The following CD226 variants were observed in gnomAD, a reference collection of about 807,000 sequenced individuals.
CD226 encodes CD226 antigen.
In CD226, 24 loss-of-function variants were observed where a neutral mutation model predicts 34.9. The observed-to-expected ratio is 0.69, with a 90% confidence interval of 0.50 to 0.97. The LOEUF (loss-of-function observed/expected upper bound fraction) is 0.97. CD226 is among the 50% of genes least tolerant of loss of function. CD226 has a pLI of 0.00. For synonymous variants in CD226, 148 were observed against 147.4 expected (o/e 1.00, Z -0.03); for missense variants, 397 against 412.7 (o/e 0.96, Z 0.33).
chr18:69,911,503 T>G (rs1352786445), intron 2 of CD226, among the ~76,000 whole-genome samples: 1 of 152,098 alleles, frequency 6.6e-6, no homozygotes, highest in Non-Finnish European at 1.5e-5. Flanking sequence ...AGAGCGACCT[T>G]AAAGTCCATG....
chr18:69,859,428 T>C lies in CD226; in HGVS notation c.*4886A>G, dbSNP rs1436261499. 5.3e-5 allele frequency: 8 copies of C among 152,152 alleles called. No individual in the cohort carries two copies. The highest frequency in any genetic ancestry group is 1.9e-4 in the African/African-American group (8 of 41,430). 9.4% of individuals were successfully genotyped at this position (152,152 alleles called of 1,614,324 possible). On this transcript the variant is annotated 3_prime_UTR_variant, in exon 6 of 6. Coordinates refer to ENST00000582621, the MANE Select transcript of CD226 (RefSeq NM_001303618.2). ...TACCATGTAGTTTAACTAAGAGTAC[T>C]GGCAAGGTCATAAGAAATAAATGCC...
At chr18:69,868,746 C>T (rs1015955115) in intron 4 of CD226, among the ~76,000 whole-genome samples, 2 of 152,162 alleles carry the variant, frequency 1.3e-5, no homozygotes, top group African/African-American at 2.4e-5. Context: ...GTGCAGTTAA[C>T]GTTCCCAACC....
intron 3 of CD226, among the ~76,000 whole-genome samples, chr18:69,874,052 A>C (rs1340038585): frequency 1.3e-5 from 2 of 152,212 alleles, no homozygotes; most frequent in Non-Finnish European, 2.9e-5. Context: ...CTCCAACTCA[A>C]TGTCTGAAAG....
At chr18:69,958,624 A>T (rs1371528331), upstream of CD226, among the ~76,000 whole-genome samples, 1 of 152,110 alleles carries the variant, frequency 6.6e-6, no homozygotes, top group Admixed American at 6.5e-5. Flanking sequence ...GGTGAATGCA[A>T]ATCCTATCTA....
intron 3 of CD226, among the ~76,000 whole-genome samples, chr18:69,892,779 ATG>A (rs202144708): frequency 6.6e-6 from 1 of 151,364 alleles, no homozygotes; most frequent in Non-Finnish European, 1.5e-5. Flanking sequence ...CTGTGTGTGC[ATG>A]TGTGTGTGTG....
chr18:69,907,149 T>G (rs1438615253), intron 2 of CD226, among the ~76,000 whole-genome samples: 1 of 152,190 alleles, frequency 6.6e-6, no homozygotes, highest in Non-Finnish European at 1.5e-5. Context: ...CTGATGGGTT[T>G]CCCTGCGAAC....
At chr18:69,877,777 CAT>C (rs1165701049) in intron 3 of CD226, among the ~76,000 whole-genome samples, 1 of 152,132 alleles carries the variant, frequency 6.6e-6, no homozygotes, top group African/African-American at 2.4e-5. Flanking sequence ...TTTAGTGGAA[CAT>C]ATATTGTTTT....
chr18:69,955,778 G>T (rs532420265), intron 1 of CD226, among the ~76,000 whole-genome samples: 1 of 148,090 alleles, frequency 6.8e-6, no homozygotes, highest in African/African-American at 2.5e-5. Flanking sequence ...CAGGAGAATG[G>T]CGTGAACCCA....
intron 2 of CD226, among the ~76,000 whole-genome samples, chr18:69,897,238 GTACA>G (rs1181666822): frequency 6.6e-6 from 1 of 152,100 alleles, no homozygotes; most frequent in East Asian, 1.9e-4. Context: ...CAGATATAGC[GTACA>G]TAAACAAACA....
chr18:69,960,818 T>C (rs1053206053), upstream of CD226, among the ~76,000 whole-genome samples: 11 of 152,286 alleles, frequency 7.2e-5, no homozygotes, highest in Middle Eastern at 3.4e-3. Flanking sequence ...TTCATCAGCA[T>C]GATAAAGAAA....
At chr18:69,877,018 T>A (rs951346900) in intron 3 of CD226, among the ~76,000 whole-genome samples, 2 of 151,890 alleles carry the variant, frequency 1.3e-5, no homozygotes, top group African/African-American at 4.8e-5. Context: ...CACCCGCCAC[T>A]ACGTCCAGCT....
At chr18:69,900,734 G>A (rs1429801339) in intron 2 of CD226, among the ~76,000 whole-genome samples, 3 of 104,368 alleles carry the variant, frequency 2.9e-5, no homozygotes, top group Non-Finnish European at 3.8e-5. Flanking sequence ...GCGAGACTCC[G>A]TCTCAAAAAA....
intron 2 of CD226, among the ~76,000 whole-genome samples, chr18:69,935,947 C>T (rs1358312400): frequency 3.3e-5 from 5 of 152,186 alleles, no homozygotes; most frequent in Admixed American, 2.0e-4. Flanking sequence ...TGCTCTGGCT[C>T]GCCTGACTGC....
At chr18:69,950,971 T>TTGTGTG (rs57098005), upstream of CD226, among the ~76,000 whole-genome samples, 4,258 of 132,620 alleles carry the variant, frequency 0.032, 233 homozygotes, top group African/African-American at 0.11. Context: ...AACTATGATT[T>TTGTGTG]TGTGTGTGTG....
chr18:69,913,411 G>A (rs918118323), intron 2 of CD226, among the ~76,000 whole-genome samples: 3 of 152,206 alleles, frequency 2.0e-5, no homozygotes, highest in African/African-American at 7.2e-5. Flanking sequence ...TTCTCAGAGT[G>A]AGAAAAGGAC....
upstream of CD226, among the ~76,000 whole-genome samples, chr18:69,960,608 C>T (rs1395303122): frequency 6.6e-6 from 1 of 152,148 alleles, no homozygotes; most frequent in Non-Finnish European, 1.5e-5. Context: ...CACCAACACG[C>T]ATGGCTAATT....
intron 2 of CD226, among the ~76,000 whole-genome samples, chr18:69,934,865 G>T (rs1192589452): frequency 1.3e-5 from 2 of 152,150 alleles, no homozygotes; most frequent in Non-Finnish European, 2.9e-5. Context: ...ATCCCTGAAG[G>T]ATTGACTTGA....
chr18:69,929,294 C>T (rs879609798), intron 2 of CD226, among the ~76,000 whole-genome samples: 8 of 152,090 alleles, frequency 5.3e-5, no homozygotes, highest in Non-Finnish European at 8.8e-5. Flanking sequence ...TGGTGTGGAT[C>T]GTGAGGACAC....
At chr18:69,897,281 A>G (rs1985355334) in intron 2 of CD226, among the ~76,000 whole-genome samples, 1 of 152,204 alleles carries the variant, frequency 6.6e-6, no homozygotes, top group African/African-American at 2.4e-5. Flanking sequence ...TAATTTTTAA[A>G]ATAGCATAAA....
Sources: gnomAD v4.1 joint callset for allele counts (sites outside exome capture counted in the v4.1 genomes callset) on GRCh38, gnomAD v4.1.1 for gene constraint, MANE v1.5 for transcripts, NCBI Gene and HGNC (gene_info 2026-07-23, HGNC 2026-07-21) for gene names.